The following KLF12 variants were observed in gnomAD, a reference collection of about 807,000 sequenced individuals.
KLF12 encodes Krueppel-like factor 12.
A neutral mutation model predicts 37.8 loss-of-function variants in KLF12; 9 were observed. The ratio of observed to expected loss-of-function variants is 0.24; its 90% CI spans 0.14 to 0.42. KLF12 has a LOEUF of 0.42. Ranked by LOEUF, KLF12 falls within the 10% of genes least tolerant of loss-of-function variation. The pLI is 1.00. For synonymous variants in KLF12, 208 were observed against 202.1 expected (o/e 1.03, Z -0.25); for missense variants, 411 against 516.0 (o/e 0.80, Z 1.97).
rs112288288 is a variant in KLF12, at chr13:73,828,408, T to C, written c.671-15121A>G. Among the ~76,000 whole-genome samples the C allele has an allele frequency of 8.0e-3, 1,218 of 152,336 alleles. 21 individuals are homozygous for C. The highest frequency in any genetic ancestry group is 0.028 in the African/African-American group (1,162 of 41,580). On this transcript the variant is annotated intron_variant, in intron 4 of 7. Coordinates refer to ENST00000377669, the MANE Select transcript of KLF12 (RefSeq NM_007249.5). ...ATTCTGATAAATGTCATTTTAGATA[T>C]ACGTCTTTTAGATATAATGTCTCTT...
chr13:74,058,306 T>TC (rs1253389714), intron 1 of KLF12, among the ~76,000 whole-genome samples: 3 of 151,174 alleles, frequency 2.0e-5, no homozygotes, highest in Non-Finnish European at 4.4e-5. Context: ...AACCTTAGTT[T>TC]CCTCATCTGC....
the KLF12 span, among the ~76,000 whole-genome samples, chr13:74,176,145 A>T: frequency 6.6e-6 from 1 of 152,056 alleles, no homozygotes; most frequent in East Asian, 1.9e-4. Context: ...ATTTCAACCT[A>T]ACTTATTATT....
intron 1 of KLF12, among the ~76,000 whole-genome samples, chr13:74,011,410 C>T (rs1892548418): frequency 6.6e-6 from 1 of 152,136 alleles, no homozygotes; most frequent in African/African-American, 2.4e-5. Flanking sequence ...AGTTGTTCTA[C>T]AAGTGTGCAA....
chr13:73,763,755 T>C (rs1203961034), intron 6 of KLF12, among the ~76,000 whole-genome samples: 1 of 152,136 alleles, frequency 6.6e-6, no homozygotes, highest in Non-Finnish European at 1.5e-5. Context: ...TCCTTTCACA[T>C]AATGATCATC....
At chr13:74,273,422 A>C in the KLF12 span, among the ~76,000 whole-genome samples, 1 of 150,256 alleles carries the variant, frequency 6.7e-6, no homozygotes, top group South Asian at 2.1e-4. Context: ...ATGTTAATCT[A>C]TTCCTGTAAT....
intron 5 of KLF12, among the ~76,000 whole-genome samples, chr13:73,777,208 G>T (rs1880661549): frequency 6.6e-6 from 1 of 152,180 alleles, no homozygotes; most frequent in Non-Finnish European, 1.5e-5. Context: ...AGGTATATGA[G>T]TGAAGAAAGA....
chr13:73,703,376 TA>T, intron 7 of KLF12, among the ~76,000 whole-genome samples: 1 of 152,282 alleles, frequency 6.6e-6, no homozygotes, highest in Non-Finnish European at 1.5e-5. Context: ...GCGATTTTCT[TA>T]ACATTTTAAA....
At chr13:73,839,032 A>G (rs1884590227) in intron 4 of KLF12, among the ~76,000 whole-genome samples, 1 of 152,030 alleles carries the variant, frequency 6.6e-6, no homozygotes, top group African/African-American at 2.4e-5. Flanking sequence ...CAGGTATAGA[A>G]GAGAGGAGAT....
chr13:73,830,249 C>T (rs1035955125), intron 4 of KLF12, among the ~76,000 whole-genome samples: 2 of 151,836 alleles, frequency 1.3e-5, no homozygotes, highest in Admixed American at 6.6e-5. Flanking sequence ...ATAACCATAA[C>T]TTCCAGAACG....
intron 1 of KLF12, among the ~76,000 whole-genome samples, chr13:74,037,117 T>C (rs1893267521): frequency 6.7e-6 from 1 of 149,264 alleles, no homozygotes; most frequent in Admixed American, 6.8e-5. Flanking sequence ...GGCAGAGAAC[T>C]GCTTGAACCT....
At chr13:74,214,975 G>T in the KLF12 span, among the ~76,000 whole-genome samples, 1 of 152,024 alleles carries the variant, frequency 6.6e-6, no homozygotes, top group East Asian at 1.9e-4. Flanking sequence ...TGTATTTTTA[G>T]TAGAGACGGG....
chr13:73,705,814 A>C (rs1029950465), intron 7 of KLF12, among the ~76,000 whole-genome samples: 1 of 152,218 alleles, frequency 6.6e-6, no homozygotes, highest in Non-Finnish European at 1.5e-5. Context: ...GGATAAAATG[A>C]AGCCAGAAGC....
At chr13:74,003,194 G>A (rs1318941173) in intron 1 of KLF12, among the ~76,000 whole-genome samples, 1 of 152,188 alleles carries the variant, frequency 6.6e-6, no homozygotes, top group Non-Finnish European at 1.5e-5. Flanking sequence ...AGTATAGTGG[G>A]AAGTGGAAGG....
chr13:74,165,294 CTTTTCTTTTTTTTT>C, the KLF12 span, among the ~76,000 whole-genome samples: 1 of 124,384 alleles, frequency 8.0e-6, no homozygotes, highest in Non-Finnish European at 1.6e-5. Flanking sequence ...TTCATATTTT[CTTTTCTTTTTTTTT>C]TTTTTTTTTT....
At chr13:73,793,290 A>C (rs1881789463) in intron 5 of KLF12, among the ~76,000 whole-genome samples, 1 of 152,236 alleles carries the variant, frequency 6.6e-6, no homozygotes, top group Non-Finnish European at 1.5e-5. Context: ...CTGATAGAAC[A>C]AATTGACACA....
At chr13:74,241,554 T>A in the KLF12 span, among the ~76,000 whole-genome samples, 1 of 152,024 alleles carries the variant, frequency 6.6e-6, no homozygotes, top group Non-Finnish European at 1.5e-5. Flanking sequence ...TCGCTGCCGC[T>A]GCTGCCTTGC....
At chr13:73,752,151 T>G (rs1878803138) in intron 6 of KLF12, among the ~76,000 whole-genome samples, 1 of 152,004 alleles carries the variant, frequency 6.6e-6, no homozygotes, top group Non-Finnish European at 1.5e-5. Context: ...CTCAGCTAAT[T>G]TTTGTATTTT....
Position 73,828,547 on chromosome 13 carries a change from C to G in KLF12, c.671-15260G>C, listed in dbSNP as rs371984688. Among the ~76,000 whole-genome samples the G allele has an allele frequency of 8.5e-5, 13 of 152,286 alleles. No homozygotes were observed. In the East Asian group the frequency reaches 2.5e-3, roughly 29 times the overall value. On this transcript the variant is annotated intron_variant, in intron 4 of 7. Transcript: ENST00000377669. ...TTGACATCCAACTGGCCAACAAATTCTATCACATTTCCATTCACACCACCC... is the reference window on the plus strand; with the variant it reads ...TTGACATCCAACTGGCCAACAAATTGTATCACATTTCCATTCACACCACCC...
the KLF12 span, among the ~76,000 whole-genome samples, chr13:74,147,050 A>G: frequency 6.6e-6 from 1 of 152,196 alleles, no homozygotes; most frequent in Admixed American, 6.5e-5. Flanking sequence ...ATCCCAGCAC[A>G]TTGTTCTTCT....
Sources: allele counts gnomAD v4.1 joint callset (sites outside exome capture counted in the v4.1 genomes callset), GRCh38; gene constraint gnomAD v4.1.1; transcripts MANE v1.5; gene names NCBI Gene and HGNC (gene_info 2026-07-23, HGNC 2026-07-21).